TIMM23: variants seen among roughly 807,000 people sequenced by gnomAD.
TIMM23 encodes the protein mitochondrial import inner membrane translocase subunit Tim23.
A neutral mutation model predicts 30.7 loss-of-function variants in TIMM23; 19 were observed. The ratio of observed to expected loss-of-function variants is 0.62; its 90% CI spans 0.43 to 0.91. The LOEUF (loss-of-function observed/expected upper bound fraction) is 0.91, where lower values mean the gene tolerates loss of function less well. TIMM23 is among the 40% of genes least tolerant of loss of function. The pLI is 0.00. For synonymous variants in TIMM23, 78 were observed against 98.5 expected, an observed-to-expected ratio of 0.79 and a Z score of 1.23; for missense variants, 202 against 269.2, an observed-to-expected ratio of 0.75 and a Z score of 1.75.
rs1554912820 is a variant in TIMM23, at chr10:45,975,418, A to G, written c.107-36A>G. 49 of 1,612,808 alleles carry G rather than the reference A, an allele frequency of 3.0e-5. No individual in the cohort carries two copies. The African/African-American group carries it at 6.3e-4, about 21-fold the overall frequency. ...AACTCTAACTGGATTAACTTAAAGA[A>G]TTTTGTTGCAATGTGACATTTTGTT... is the stretch of plus-strand genomic sequence containing the variant. On this transcript the variant is annotated intron_variant, in intron 1 of 6. Transcript: ENST00000580018.
Position 45,985,235 on chromosome 10 carries a change from T to C in TIMM23, c.345-148T>C, listed in dbSNP as rs1837959828. ...TTATGTAGAGTAAAAACCATCCTTA[T>C]TGAAATCGGAGATATTAAGATGTAT... On this transcript the variant is annotated intron_variant, in intron 4 of 6. Transcript: ENST00000580018. 9.7e-6 allele frequency: 7 copies of C among 723,748 alleles called. No individual in the cohort carries two copies. In the Admixed American group the frequency reaches 1.2e-4, roughly 12 times the overall value. 44.8% of individuals were successfully genotyped at this position (723,748 alleles called of 1,614,324 possible). A position where few individuals can be genotyped will look rare whatever the true frequency, so the allele number is the denominator to read the frequency against.
At chr10:45,985,107 A>T (rs1837957139) in intron 4 of TIMM23, among the ~76,000 whole-genome samples, 1 of 152,020 alleles carries the variant, frequency 6.6e-6, no homozygotes, top group African/African-American at 2.4e-5. Flanking sequence ...ATTATATTAT[A>T]CATTTAATAA....
intron 2 of TIMM23, among the ~76,000 whole-genome samples, chr10:45,979,798 A>G (rs1162427801): frequency 1.1e-4 from 16 of 151,982 alleles, no homozygotes; most frequent in South Asian, 4.2e-4. Context: ...CAAATGTTAT[A>G]TTTTAACATT....
chr10:45,980,939 C>T (rs1217046637), intron 2 of TIMM23, among the ~76,000 whole-genome samples: 50 of 131,110 alleles, frequency 3.8e-4, no homozygotes, highest in South Asian at 5.1e-4. Context: ...TTTAAGTTTT[C>T]TTTTCTTTTT....
intron 6 of TIMM23, chr10:45,990,756 TTAAA>T (rs1278777600): frequency 2.5e-6 from 1 of 402,888 alleles, no homozygotes; most frequent in African/African-American, 2.1e-5. Flanking sequence ...TTTCATGTTT[TTAAA>T]TAATATTATT....
At chr10:45,992,959 C>A (rs1838210621) in intron 6 of TIMM23, among the ~76,000 whole-genome samples, 1 of 152,134 alleles carries the variant, frequency 6.6e-6, no homozygotes, top group Non-Finnish European at 1.5e-5. Context: ...TTAACTCCCA[C>A]TTCAGGGCCT....
At position 46,003,667 on chromosome 10, in the gene TIMM23, T is replaced by C. The variant is rs1215576618; in HGVS notation, c.*349T>C. ...ATCACCAAGTCCATTCATTTAATGA[T>C]CCAAAACTGTAATGTTGCACTGTAT... On this transcript the variant is annotated 3_prime_UTR_variant, in exon 7 of 7. Transcript: ENST00000580018. 1 of 179,212 alleles carries C rather than the reference T, an allele frequency of 5.6e-6. No individual in the cohort carries two copies. The highest frequency in any genetic ancestry group is 1.2e-5 in the Non-Finnish European group (1 of 84,980). The allele number at this position is 179,212 out of a possible 1,614,324, so 11.1% of individuals were successfully genotyped here.
chr10:45,981,571 G>A (rs1182824301), intron 2 of TIMM23, among the ~76,000 whole-genome samples: 12 of 151,874 alleles, frequency 7.9e-5, no homozygotes, highest in Non-Finnish European at 1.5e-4. Flanking sequence ...ATGCCAGAAA[G>A]AAAAAACCAA....
At position 45,987,781 on chromosome 10, in the gene TIMM23, A is replaced by AT. The variant is rs1408973119; in HGVS notation, c.404-947dup. ...GCAACATGCACCACCATACCAACTA[A>AT]TTTTTTTTTAAATTTTTTTAGAGAA... On this transcript the variant is annotated intron_variant, in intron 5 of 6. Coordinates refer to ENST00000580018, the MANE Select transcript of TIMM23 (RefSeq NM_006327.4). Among the ~76,000 whole-genome samples, 336 of 150,776 alleles carry AT rather than the reference A, an allele frequency of 2.2e-3. 2 individuals are homozygous for AT. Among genetic ancestry groups the AT allele is most frequent in the Non-Finnish European group, 3.9e-3 (263 of 67,666 alleles).
chr10:45,998,964 C>G (rs1198129031), intron 6 of TIMM23, among the ~76,000 whole-genome samples: 1 of 151,474 alleles, frequency 6.6e-6, no homozygotes, highest in African/African-American at 2.4e-5. Flanking sequence ...TCCCACATAG[C>G]TGGGATTACA....
In TIMM23 at chr10:45,992,365, G is replaced by A. The variant is rs1260314966; in HGVS notation, c.514+3518G>A. On this transcript the variant is annotated intron_variant, in intron 6 of 6. Transcript: ENST00000580018. ...GGTGATTGCTTTTCTGTGGGTGGGA[G>A]GAATTGTCCTAGATCTCTTTGAGGG... 114 of 454,074 alleles carry A rather than the reference G, an allele frequency of 2.5e-4. 1 individual carries two copies. Among genetic ancestry groups the A allele is most frequent in the Non-Finnish European group, 4.6e-4 (104 of 226,556 alleles). The allele number at this position is 454,074 out of a possible 1,614,324, so 28.1% of individuals were successfully genotyped here. A position where few individuals can be genotyped will look rare whatever the true frequency, so the allele number is the denominator to read the frequency against.
At position 45,973,166 on chromosome 10, in the gene TIMM23, G is replaced by T. The variant is rs587624092; in HGVS notation, c.106+436G>T. Among the ~76,000 whole-genome samples, 360 of 64,806 alleles carry T rather than the reference G, an allele frequency of 5.6e-3. 2 individuals are homozygous for T. The highest frequency in any genetic ancestry group is 0.023 in the African/African-American group (343 of 14,970). The allele number at this position is 64,806 out of a possible 152,430, so 42.5% of individuals were successfully genotyped here. ...TCAGGGCAGAATATTCAGTAATATT[G>T]TTTGTAAGTGAGAAATAAATGACTT... On this transcript the variant is annotated intron_variant, in intron 1 of 6. Coordinates refer to ENST00000580018, the MANE Select transcript of TIMM23 (RefSeq NM_006327.4).
At chr10:45,994,119 C>T (rs1361504121) in intron 6 of TIMM23, among the ~76,000 whole-genome samples, 3 of 152,188 alleles carry the variant, frequency 2.0e-5, no homozygotes, top group Non-Finnish European at 4.4e-5. Flanking sequence ...GCAGGTGGAT[C>T]ACCTGAGGTC....
intron 6 of TIMM23, among the ~76,000 whole-genome samples, chr10:45,997,232 T>C (rs1334219005): frequency 2.0e-5 from 3 of 152,140 alleles, no homozygotes; most frequent in Admixed American, 2.0e-4. Context: ...AAATGTGGTA[T>C]ATACATAGAA....
rs1473153955 is a variant in TIMM23, at chr10:45,990,921, C to G, written c.514+2074C>G. On this transcript the variant is annotated intron_variant, in intron 6 of 6. Coordinates refer to ENST00000580018, the MANE Select transcript of TIMM23 (RefSeq NM_006327.4). ...TATAGGTCAGCTCATTTACCATTCT[C>G]TGAAGGTAGTAGACTGGTACTCCCT... 4.6e-5 allele frequency among the ~76,000 whole-genome samples: 7 copies of G among 152,268 alleles called. No homozygotes were observed. In the Middle Eastern group the frequency reaches 0.01, roughly 222 times the overall value.
At chr10:45,974,820 A>G (rs1837616099) in intron 1 of TIMM23, among the ~76,000 whole-genome samples, 1 of 152,050 alleles carries the variant, frequency 6.6e-6, no homozygotes, top group Non-Finnish European at 1.5e-5. Flanking sequence ...TTTGTAAATA[A>G]CTGCTGAGAT....
chr10:45,994,680 G>A (rs1164456376), intron 6 of TIMM23, among the ~76,000 whole-genome samples: 9,440 of 136,282 alleles, frequency 0.069, 880 homozygotes, highest in African/African-American at 0.25. Context: ...GAGCTCAAGC[G>A]ATCCACCCTG....
At chr10:45,996,963 TCAAA>T (rs1253448541) in intron 6 of TIMM23, among the ~76,000 whole-genome samples, 4 of 53,002 alleles carry the variant, frequency 7.5e-5, no homozygotes, top group Admixed American at 2.8e-4. Flanking sequence ...AGACCCTGTG[TCAAA>T]CAAAAAAAAA....
At chr10:45,990,704 T>C (rs1450773846) in intron 6 of TIMM23, 2 of 420,958 alleles carry the variant, frequency 4.8e-6, no homozygotes, top group South Asian at 1.7e-5. Flanking sequence ...ATTGCAGATG[T>C]GAGCTACCAT....
Sources: allele counts gnomAD v4.1 joint callset (sites outside exome capture counted in the v4.1 genomes callset), GRCh38; gene constraint gnomAD v4.1.1; transcripts MANE v1.5; gene names NCBI Gene and HGNC (gene_info 2026-07-23, HGNC 2026-07-21).